NALF1: variants seen among roughly 807,000 people sequenced by gnomAD.
NALF1 encodes the protein NALCN channel auxiliary factor 1, also known as family with sequence similarity 155 member A.
A neutral mutation model predicts 48.4 loss-of-function variants in NALF1; 3 were observed. The ratio of observed to expected loss-of-function variants is 0.06; its 90% CI spans 0.03 to 0.16. The LOEUF is 0.16. Among genes scored for constraint, NALF1 ranks in the 10% least tolerant of loss-of-function variants. The probability of loss-of-function intolerance (pLI) is 1.00; values close to 1 mark genes in which losing one functional copy is unlikely to be tolerated. For missense variants in NALF1, 526 were observed against 571.5 expected (o/e 0.92, Z 0.81); for synonymous variants, 262 against 245.7 (o/e 1.07, Z -0.62).
chr13:107,451,100 T>G (rs1884731980), intron 1 of NALF1, among the ~76,000 whole-genome samples: 1 of 152,180 alleles, frequency 6.6e-6, no homozygotes, highest in African/African-American at 2.4e-5. Context: ...TGTGCTCCAC[T>G]GAGTCGACCC....
chr13:107,625,383 T>C (rs1394859152), intron 1 of NALF1, among the ~76,000 whole-genome samples: 1 of 152,156 alleles, frequency 6.6e-6, no homozygotes, highest in Admixed American at 6.6e-5. Context: ...TACTACAAAT[T>C]ATTAGCTGTG....
At chr13:107,451,145 G>A (rs920448424) in intron 1 of NALF1, among the ~76,000 whole-genome samples, 5 of 152,190 alleles carry the variant, frequency 3.3e-5, no homozygotes, top group Non-Finnish European at 7.3e-5. Flanking sequence ...AGAGCTCTGT[G>A]GCAGGAAACC....
intron 1 of NALF1, among the ~76,000 whole-genome samples, chr13:107,308,451 C>T (rs1881984127): frequency 1.3e-5 from 2 of 152,102 alleles, no homozygotes; most frequent in Non-Finnish European, 1.5e-5. Context: ...ATCCGCCCGC[C>T]TCGGCCTCCC....
chr13:107,423,270 C>A (rs1468477575), intron 1 of NALF1, among the ~76,000 whole-genome samples: 2 of 152,086 alleles, frequency 1.3e-5, no homozygotes, highest in African/African-American at 4.8e-5. Context: ...CAGCTATTAG[C>A]ACAGTCTGAG....
intron 1 of NALF1, among the ~76,000 whole-genome samples, chr13:107,215,270 T>C (rs532495599): frequency 6.6e-6 from 1 of 152,356 alleles, no homozygotes; most frequent in Admixed American, 6.5e-5. Context: ...TTTTCTTTTT[T>C]GCAAGTCACT....
intron 1 of NALF1, among the ~76,000 whole-genome samples, chr13:107,585,149 G>A (rs188080765): frequency 1.3e-4 from 19 of 151,766 alleles, no homozygotes; most frequent in Admixed American, 4.6e-4. Context: ...AATCCAACCC[G>A]GTCATTTTTT....
intron 2 of NALF1, among the ~76,000 whole-genome samples, chr13:107,202,808 G>T (rs1280026770): frequency 6.6e-6 from 1 of 152,144 alleles, no homozygotes; most frequent in Admixed American, 6.5e-5. Flanking sequence ...GCTGTACATA[G>T]CAAGGAAACA....
chr13:107,478,380 GGTTA>G lies in NALF1; in HGVS notation c.916-267629_916-267626del, dbSNP rs200592062. ...TCAACAAAATCTAATCATGTAATTT[GGTTA>G]GTTAACATTTTAAAACGATTCAAAA... On this transcript the variant is annotated intron_variant, in intron 1 of 2. Transcript: ENST00000375915. 6.2e-3 allele frequency among the ~76,000 whole-genome samples: 946 copies of G among 151,982 alleles called. 9 individuals are homozygous for G. Among genetic ancestry groups the G allele is most frequent in the African/African-American group, 0.021 (881 of 41,464 alleles).
intron 1 of NALF1, among the ~76,000 whole-genome samples, chr13:107,433,813 C>T (rs1884421837): frequency 6.6e-6 from 1 of 152,050 alleles, no homozygotes; most frequent in South Asian, 2.1e-4. Context: ...AAATGAACTC[C>T]CAGATGCTCT....
At chr13:107,782,600 G>A (rs540049846) in intron 1 of NALF1, among the ~76,000 whole-genome samples, 5 of 151,824 alleles carry the variant, frequency 3.3e-5, no homozygotes, top group Non-Finnish European at 7.4e-5. Context: ...TCCCATCTAG[G>A]AAGTGAGGAG....
chr13:107,525,896 G>A (rs1876417511), intron 1 of NALF1, among the ~76,000 whole-genome samples: 1 of 152,004 alleles, frequency 6.6e-6, no homozygotes, highest in Admixed American at 6.6e-5. Context: ...AATGGCTAAT[G>A]ATGTTACATT....
At chr13:107,654,698 A>G (rs1302047958) in intron 1 of NALF1, among the ~76,000 whole-genome samples, 1 of 152,090 alleles carries the variant, frequency 6.6e-6, no homozygotes. Flanking sequence ...ACAAAAAAAA[A>G]AGAAAACTAC....
chr13:107,741,392 G>C (rs1225247318), intron 1 of NALF1, among the ~76,000 whole-genome samples: 1 of 152,114 alleles, frequency 6.6e-6, no homozygotes, highest in Non-Finnish European at 1.5e-5. Flanking sequence ...TTGTCTTGTG[G>C]ATAAAGTGAA....
intron 1 of NALF1, among the ~76,000 whole-genome samples, chr13:107,710,592 G>GT (rs1875543064): frequency 6.6e-6 from 1 of 152,006 alleles, no homozygotes; most frequent in African/African-American, 2.4e-5. Context: ...AGGAGAGAGA[G>GT]TGAGAGGAAG....
At chr13:107,569,438 C>T (rs1458689126) in intron 1 of NALF1, among the ~76,000 whole-genome samples, 1 of 151,904 alleles carries the variant, frequency 6.6e-6, no homozygotes. Context: ...CGCCACCGCA[C>T]TCCAGCCTGG....
At chr13:107,649,236 T>G (rs543600550) in intron 1 of NALF1, among the ~76,000 whole-genome samples, 1 of 152,350 alleles carries the variant, frequency 6.6e-6, no homozygotes, top group East Asian at 1.9e-4. Context: ...TCCCACCATG[T>G]GGGAACTGTC....
At chr13:107,233,440 AT>A (rs1218552074) in intron 1 of NALF1, among the ~76,000 whole-genome samples, 7 of 152,332 alleles carry the variant, frequency 4.6e-5, no homozygotes, top group African/African-American at 1.7e-4. Flanking sequence ...TAAACTAGCC[AT>A]TTAGTAGAAT....
intron 1 of NALF1, among the ~76,000 whole-genome samples, chr13:107,766,476 C>T (rs765306041): frequency 7.2e-5 from 11 of 151,974 alleles, no homozygotes; most frequent in South Asian, 2.1e-4. Context: ...TTGACTGAAA[C>T]GCAGAACTGT....
intron 1 of NALF1, among the ~76,000 whole-genome samples, chr13:107,633,173 A>G (rs1335386390): frequency 1.3e-5 from 2 of 152,118 alleles, no homozygotes; most frequent in Admixed American, 1.3e-4. Context: ...TTTTCATATA[A>G]AGGAAGAAAA....
Sources: allele counts gnomAD v4.1 joint callset (sites outside exome capture counted in the v4.1 genomes callset), GRCh38; gene constraint gnomAD v4.1.1; transcripts MANE v1.5; gene names NCBI Gene and HGNC (gene_info 2026-07-23, HGNC 2026-07-21).